EP400: variants seen among roughly 807,000 people sequenced by gnomAD.
EP400 encodes E1A binding protein p400.
In EP400, 105 loss-of-function variants were observed where a neutral mutation model predicts 354.1. The ratio of observed to expected loss-of-function variants is 0.30; its 90% CI spans 0.25 to 0.35. EP400 has a LOEUF of 0.35. Among genes scored for constraint, EP400 ranks in the 10% least tolerant of loss-of-function variants. The pLI, the probability that EP400 is intolerant of heterozygous loss-of-function variation, is 1.00. For synonymous variants in EP400, 1,646 were observed against 1,716.9 expected (o/e 0.96, Z 1.02); for missense variants, 3,280 against 4,121.0 (o/e 0.80, Z 5.59).
chr12:131,960,217 C>T (rs1209594203), intron 1 of EP400, among the ~76,000 whole-genome samples: 3 of 152,210 alleles, frequency 2.0e-5, no homozygotes, highest in African/African-American at 7.2e-5. Flanking sequence ...TCCTGTAGCT[C>T]AGTCTCCTAG....
In EP400 at chr12:131,986,587, C is replaced by T. The variant is rs760824847; in HGVS notation, c.2003C>T (p.Ser668Leu). 9.3e-6 allele frequency: 15 copies of T among 1,613,956 alleles called. No individual in the cohort carries two copies. The highest frequency in any genetic ancestry group is 2.7e-5 in the African/African-American group (2 of 74,930). ...CGGCCTCTGCCCACCTCTTCTACCT[C>T]GTCCCTCGCGCCTGTGAGTGGCTCC... The part of the protein sequence containing the change: ...CPRPLPTSST[S>L]SLAPVSGSGP... Residue 668 changes from serine (S) to leucine (L), a missense_variant, in exon 6 of 53, where the codon TCG (serine) becomes TTG (leucine). Around this residue, in one of 20 missense-constraint regions of EP400, gnomAD observed 800 missense variants for 840.0 expected, o/e 0.95. Coordinates refer to ENST00000389561, the MANE Select transcript of EP400 (RefSeq NM_015409.5).
At chr12:132,044,394 G>A in intron 35 of EP400, 83 bp downstream of exon 35, 1 of 1,513,966 alleles carries the variant, frequency 6.6e-7, no homozygotes, top group Non-Finnish European at 8.9e-7. Flanking sequence ...TTCAAAGTCT[G>A]TGTACATTGA....
intron 45 of EP400, 94 bp downstream of exon 45, chr12:132,055,302 C>T (rs1895448236): frequency 9.5e-7 from 1 of 1,050,764 alleles, no homozygotes; most frequent in Non-Finnish European, 1.3e-6. Flanking sequence ...TTTAAGTATT[C>T]CATTGGTGAA....
chr12:132,029,476 C>G lies in EP400; in HGVS notation c.5382-225C>G. On this transcript the variant is annotated intron_variant, in intron 27 of 52. Coordinates refer to ENST00000389561, the MANE Select transcript of EP400 (RefSeq NM_015409.5). The surrounding 1 kb of genome is among the most constrained non-coding windows in gnomAD (Gnocchi z 4.7). ...CATTGATCCATCAGCCCTGGACTGT[C>G]TGAATTAGTCCCCGAGGTGGTGGTT... is the stretch of plus-strand genomic sequence containing the variant. 1.7e-6 allele frequency: 1 copy of G among 597,484 alleles called. No individual in the cohort carries two copies. The highest frequency in any genetic ancestry group is 2.0e-5 in the South Asian group (1 of 49,798). 37.0% of individuals were successfully genotyped at this position (597,484 alleles called of 1,614,324 possible). A position where few individuals can be genotyped will look rare whatever the true frequency, so the allele number is the denominator to read the frequency against.
Position 132,032,121 on chromosome 12 carries a change from G to A in EP400, c.5923G>A (p.Gly1975Arg), listed in dbSNP as rs1458680886. ...AKAQEWCDRI[G>R]RCKDIHIYRL... is the part of the protein sequence containing the mutation. ...AGCTCAGGAGTGGTGCGATAGGATC[G>A]GGAGATGCAAAGACATCCACATATA... The change falls in exon 30 of 53, where the codon GGG becomes AGG. Residue 1975 changes from glycine to arginine, a missense_variant. By Grantham distance (125) the Gly-to-Arg change is moderately radical. Transcript: ENST00000389561. 6 of 1,613,670 alleles carry A rather than the reference G, an allele frequency of 3.7e-6. No homozygotes were observed. The highest frequency in any genetic ancestry group is 1.7e-4 in the Middle Eastern group (1 of 6,048).
Position 132,018,506 on chromosome 12 carries a change from G to C in EP400, c.4277+130G>C, listed in dbSNP as rs1894019339. 1.1e-5 allele frequency: 15 copies of C among 1,322,192 alleles called. No homozygotes were observed. The highest frequency in any genetic ancestry group is 1.5e-5 in the Non-Finnish European group (15 of 987,276). 81.9% of individuals were successfully genotyped at this position (1,322,192 alleles called of 1,614,324 possible). A position where few individuals can be genotyped will look rare whatever the true frequency, so the allele number is the denominator to read the frequency against. ...ATCTGCTGCTCTTGGGACCTTGCTG[G>C]TGTCCTTGGCTGTGGTATGCCTGGC... On this transcript the variant is annotated intron_variant, in intron 21 of 52. Transcript: ENST00000389561. The surrounding 1 kb of genome is among the most constrained non-coding windows in gnomAD (Gnocchi z 4.0).
In EP400 at chr12:131,961,967, A is replaced by G; in HGVS notation, c.1335+13A>G. On this transcript the variant is annotated intron_variant, in intron 2 of 52. Coordinates refer to ENST00000389561, the MANE Select transcript of EP400 (RefSeq NM_015409.5). ...TATCAATGACGAGGTAAGAAACAGG[A>G]GTTAATTTGTTTAGTACAAATCTTC... 6.2e-7 allele frequency: 1 copy of G among 1,602,284 alleles called. No homozygotes were observed. Among genetic ancestry groups the G allele is most frequent in the Non-Finnish European group, 8.5e-7 (1 of 1,175,216 alleles).
intron 3 of EP400, among the ~76,000 whole-genome samples, chr12:131,981,059 T>C (rs1268514521): frequency 6.6e-6 from 1 of 152,178 alleles, no homozygotes; most frequent in Non-Finnish European, 1.5e-5. Context: ...GGGTGAAACA[T>C]TCCTTGTTCT....
chr12:131,992,073 C>T (rs1054222948), intron 10 of EP400, 100 bp from the exon 11 acceptor site: 1 of 1,328,574 alleles, frequency 7.5e-7, no homozygotes, highest in East Asian at 2.3e-5. Flanking sequence ...GCAGGCTTGC[C>T]CCGGGGCTCC....
intron 1 of EP400, among the ~76,000 whole-genome samples, chr12:131,954,757 G>T (rs931550717): frequency 2.0e-5 from 3 of 151,414 alleles, no homozygotes; most frequent in Non-Finnish European, 4.4e-5. Context: ...AATGGGCGTG[G>T]TGGTGTGTGC....
rs561381939 is a variant in EP400, at chr12:131,994,915, T to A, written c.2786T>A (p.Val929Asp). 1 of 1,614,120 alleles carries A rather than the reference T, an allele frequency of 6.2e-7. No individual in the cohort carries two copies. The highest frequency in any genetic ancestry group is 1.3e-5 in the African/African-American group (1 of 75,048). ...GAAGAGGAGGAAGCAAATGAAGGCG[T>A]TGTGGACCACCAAACAGAACTTTCT... ...TIEEEEANEG[V>D]VDHQTELSNL... is the part of the protein sequence containing the mutation. Residue 929 changes from valine to aspartate, a missense_variant, in exon 12 of 53, where the codon GTT (valine) becomes GAT (aspartate). Physicochemically the swap from Val to Asp is radical, Grantham distance 152. Transcript: ENST00000389561. The surrounding 1 kb of genome is among the most constrained non-coding windows in gnomAD (Gnocchi z 4.6).
chr12:131,989,297 C>T (rs1048962193), intron 7 of EP400, among the ~76,000 whole-genome samples: 4 of 152,254 alleles, frequency 2.6e-5, no homozygotes. Context: ...CAGGGAGAGG[C>T]TGCAGAGCAG....
At chr12:132,026,499 C>T (rs1282788723) in intron 25 of EP400, among the ~76,000 whole-genome samples, 1 of 152,144 alleles carries the variant, frequency 6.6e-6, no homozygotes, top group Non-Finnish European at 1.5e-5. Flanking sequence ...TGGGGAGGGG[C>T]CATGGCTTGT....
Position 131,963,750 on chromosome 12 carries a change from C to A in EP400, c.1335+1796C>A, listed in dbSNP as rs1891980218. 4.5e-5 allele frequency: 35 copies of A among 785,834 alleles called. 1 individual carries two copies. In the South Asian group the frequency reaches 6.4e-4, roughly 14 times the overall value. 48.7% of individuals were successfully genotyped at this position (785,834 alleles called of 1,614,324 possible). A position where few individuals can be genotyped will look rare whatever the true frequency, so the allele number is the denominator to read the frequency against. On this transcript the variant is annotated intron_variant, in intron 2 of 52. Transcript: ENST00000389561. ...CTCTTCAGCATTTTTTTTCCAGAGC[C>A]CATTTCTTATTTTTCAACAGTAAAA...
In EP400 at chr12:132,025,625, C is replaced by T. The variant is rs1208283830; in HGVS notation, c.4856-21C>T. 8 of 1,581,082 alleles carry T rather than the reference C, an allele frequency of 5.1e-6. No individual in the cohort carries two copies. The highest frequency in any genetic ancestry group is 3.4e-4 in the Middle Eastern group (2 of 5,922). On this transcript the variant is annotated intron_variant, in intron 24 of 52. Coordinates refer to ENST00000389561, the MANE Select transcript of EP400 (RefSeq NM_015409.5). The surrounding 1 kb of genome is among the most constrained non-coding windows in gnomAD (Gnocchi z 4.1). ...ATGTACACATGCCTGTCATTGACAC[C>T]TAGTGGACCTATGATTGCAGGCAGC...
At chr12:132,057,454 A>G (rs374655662) in intron 45 of EP400, among the ~76,000 whole-genome samples, 1 of 152,230 alleles carries the variant, frequency 6.6e-6, no homozygotes, top group South Asian at 2.1e-4. Flanking sequence ...CAGAAAACAG[A>G]TGAATGATTG....
Position 132,017,830 on chromosome 12 carries a change from C to A in EP400, c.4110+109C>A. On this transcript the variant is annotated intron_variant, in intron 20 of 52. Coordinates refer to ENST00000389561, the MANE Select transcript of EP400 (RefSeq NM_015409.5). This position sits in a 1 kb window ranked among gnomAD's most constrained non-coding sequence, Gnocchi z 5.0. ...TTCTCAACCAGCTCTTCTGCAATTG[C>A]AATTGCAGCTCCGCGATACATGGCA... 8.2e-7 allele frequency: 1 copy of A among 1,214,328 alleles called. No individual in the cohort carries two copies. Among genetic ancestry groups the A allele is most frequent in the Non-Finnish European group, 1.1e-6 (1 of 892,666 alleles). The allele number at this position is 1,214,328 out of a possible 1,614,324, so 75.2% of individuals were successfully genotyped here. A position where few individuals can be genotyped will look rare whatever the true frequency, so the allele number is the denominator to read the frequency against.
chr12:132,013,751 A>G lies in EP400; in HGVS notation c.3787-26A>G, dbSNP rs1238405786. Reference sequence around the variant, plus strand: ...TGTTACAGCAGCATTTTTGGAAAGAAAACAGTAAACAGTTTTTATTTTCAG... The same window carrying G: ...TGTTACAGCAGCATTTTTGGAAAGAGAACAGTAAACAGTTTTTATTTTCAG... On this transcript the variant is annotated intron_variant, in intron 18 of 52. Transcript: ENST00000389561. This position sits in a 1 kb window ranked among gnomAD's most constrained non-coding sequence, Gnocchi z 4.5. 6.2e-7 allele frequency: 1 copy of G among 1,611,032 alleles called. No homozygotes were observed. The highest frequency in any genetic ancestry group is 8.5e-7 in the Non-Finnish European group (1 of 1,178,682).
chr12:132,064,634 A>T, intron 47 of EP400, 34 bp from the exon 48 acceptor site: 1 of 1,601,644 alleles, frequency 6.2e-7, no homozygotes, highest in Non-Finnish European at 8.5e-7. Context: ...AGCACAGTTA[A>T]TGTTGAAGAG....
Sources: allele counts gnomAD v4.1 joint callset (sites outside exome capture counted in the v4.1 genomes callset), GRCh38; gene constraint gnomAD v4.1.1; regional missense constraint gnomAD v4.1.1; non-coding constraint Gnocchi (gnomAD v3.1); transcripts MANE v1.5; gene names NCBI Gene and HGNC (gene_info 2026-07-23, HGNC 2026-07-21).